The following FRMD4A variants were observed in gnomAD, a reference collection of about 807,000 sequenced individuals.
The protein encoded by FRMD4A is FERM domain containing 4A.
FRMD4A carries 29 observed loss-of-function variants against 129.1 expected under a neutral mutation model. That is an observed-to-expected ratio of 0.22 (90% CI 0.17 to 0.31). The LOEUF is 0.31. Ranked by LOEUF, FRMD4A falls within the 10% of genes least tolerant of loss-of-function variation. The pLI is 1.00. For synonymous variants in FRMD4A, 634 were observed against 571.6 expected (o/e 1.11, Z -1.56); for missense variants, 1,272 against 1,375.8 (o/e 0.92, Z 1.19).
At chr10:14,285,369 T>G (rs1845649294) in intron 2 of FRMD4A, among the ~76,000 whole-genome samples, 1 of 152,180 alleles carries the variant, frequency 6.6e-6, no homozygotes, top group Non-Finnish European at 1.5e-5. Flanking sequence ...AAGATGCAGG[T>G]GAAAAACACG....
chr10:14,249,691 T>C (rs977566542), intron 2 of FRMD4A, among the ~76,000 whole-genome samples: 10 of 152,234 alleles, frequency 6.6e-5, no homozygotes, highest in Admixed American at 5.2e-4. Flanking sequence ...AGGATATTCA[T>C]GATAGCATTA....
At chr10:14,033,144 T>G (rs1011243624) in intron 2 of FRMD4A, among the ~76,000 whole-genome samples, 4 of 151,974 alleles carry the variant, frequency 2.6e-5, no homozygotes, top group Non-Finnish European at 5.9e-5. Flanking sequence ...CTGTCTCTAC[T>G]AAAAATACAA....
chr10:13,966,473 G>T (rs573613075), intron 2 of FRMD4A, among the ~76,000 whole-genome samples: 1 of 152,186 alleles, frequency 6.6e-6, no homozygotes, highest in Non-Finnish European at 1.5e-5. Flanking sequence ...GGAGGGTAAC[G>T]TGATAAAGAA....
intron 5 of FRMD4A, among the ~76,000 whole-genome samples, chr10:13,790,234 G>C (rs527722550): frequency 2.0e-5 from 3 of 152,288 alleles, no homozygotes; most frequent in Middle Eastern, 3.4e-3. Context: ...CCATCACAAA[G>C]ACAAGGAGGT....
intron 2 of FRMD4A, among the ~76,000 whole-genome samples, chr10:13,981,305 G>A (rs567772754): frequency 6.8e-4 from 103 of 152,292 alleles, no homozygotes; most frequent in African/African-American, 2.4e-3. Context: ...AGGTCAAGGT[G>A]AATCAATGGG....
At position 13,671,931 on chromosome 10, in the gene FRMD4A, AG is replaced by A. The variant is rs1451188512; in HGVS notation, c.1252-1404del. Among the ~76,000 whole-genome samples the A allele has an allele frequency of 6.6e-5, 10 of 152,338 alleles. No homozygotes were observed. In the South Asian group the frequency reaches 1.4e-3, roughly 22 times the overall value. ...CAAGGAAGTTCAGGAGGCTTTTCTC[AG>A]GAATATCCATCATCTACACAGAAAG... On this transcript the variant is annotated intron_variant, in intron 16 of 24. Transcript: ENST00000357447.
At chr10:14,011,760 G>T (rs971116574) in intron 2 of FRMD4A, among the ~76,000 whole-genome samples, 1 of 152,168 alleles carries the variant, frequency 6.6e-6, no homozygotes, top group Non-Finnish European at 1.5e-5. Flanking sequence ...TGTAATCCCA[G>T]CACTTTGGGA....
intron 2 of FRMD4A, among the ~76,000 whole-genome samples, chr10:14,273,824 T>C (rs1275127859): frequency 6.6e-6 from 1 of 152,172 alleles, no homozygotes; most frequent in Non-Finnish European, 1.5e-5. Flanking sequence ...CCAGGCTGTC[T>C]CATAGAAAAG....
At chr10:14,224,035 C>G (rs1032726365) in intron 2 of FRMD4A, among the ~76,000 whole-genome samples, 1 of 152,164 alleles carries the variant, frequency 6.6e-6, no homozygotes, top group Non-Finnish European at 1.5e-5. Flanking sequence ...TGAAAAGGGA[C>G]ATACATTGTC....
intron 3 of FRMD4A, among the ~76,000 whole-genome samples, chr10:13,836,481 C>T (rs934829002): frequency 8.6e-5 from 13 of 151,978 alleles, no homozygotes; most frequent in African/African-American, 1.9e-4. Context: ...TTGGGGGGCG[C>T]GGGGAGGAAA....
At chr10:13,668,422 C>G (rs561239724) in intron 17 of FRMD4A, 2 of 152,190 alleles carry the variant, frequency 1.3e-5, no homozygotes, top group Non-Finnish European at 2.9e-5. Flanking sequence ...AAGACAAGTC[C>G]AAGGCTGAAT....
intron 2 of FRMD4A, among the ~76,000 whole-genome samples, chr10:14,205,825 A>G (rs897642971): frequency 1.3e-5 from 2 of 151,746 alleles, no homozygotes; most frequent in East Asian, 3.9e-4. Flanking sequence ...AAAAAAAAAA[A>G]AAAAGGGAAT....
At position 14,311,988 on chromosome 10, in the gene FRMD4A, A is replaced by T. The variant is rs61575576; in HGVS notation, c.45+18070T>A. Reference sequence around the variant, plus strand: ...TGTTAAACAATTACCAGGGCTCAGCATGTATTCATAGATGAAATTTCAATC... The same window carrying T: ...TGTTAAACAATTACCAGGGCTCAGCTTGTATTCATAGATGAAATTTCAATC... On this transcript the variant is annotated intron_variant, in intron 2 of 24. Transcript: ENST00000357447. 8.6e-3 allele frequency among the ~76,000 whole-genome samples: 1,308 copies of T among 152,304 alleles called. 15 individuals are homozygous for T. The highest frequency in any genetic ancestry group is 0.03 in the African/African-American group (1,250 of 41,558).
chr10:13,839,210 T>G (rs1283545269), intron 3 of FRMD4A, among the ~76,000 whole-genome samples: 1 of 152,038 alleles, frequency 6.6e-6, no homozygotes, highest in Non-Finnish European at 1.5e-5. Flanking sequence ...CTTGCTGTCC[T>G]GCCCAGGCTG....
chr10:14,032,464 A>G (rs1833290633), intron 2 of FRMD4A, among the ~76,000 whole-genome samples: 1 of 152,242 alleles, frequency 6.6e-6, no homozygotes, highest in Non-Finnish European at 1.5e-5. Flanking sequence ...ACTTCCGGCT[A>G]AAACAAAGCA....
intron 12 of FRMD4A, among the ~76,000 whole-genome samples, chr10:13,726,803 T>C (rs1400516830): frequency 6.6e-6 from 1 of 152,188 alleles, no homozygotes; most frequent in Non-Finnish European, 1.5e-5. Context: ...GGTCTTGTTA[T>C]GTTGCCTAGG....
At position 13,720,134 on chromosome 10, in the gene FRMD4A, C is replaced by T. The variant is rs11258551; in HGVS notation, c.760-13021G>A. ...GGTGATCTTGGCTCACTGCAACCTCCGCCTCCTGGGTTTAAGCAATTCTCC... is the reference window on the plus strand; with the variant it reads ...GGTGATCTTGGCTCACTGCAACCTCTGCCTCCTGGGTTTAAGCAATTCTCC... On this transcript the variant is annotated intron_variant, in intron 12 of 24. Transcript: ENST00000357447. Among the ~76,000 whole-genome samples, 1,755 of 152,258 alleles carry T rather than the reference C, an allele frequency of 0.012. 69 individuals are homozygous for T. In the South Asian group the frequency reaches 0.12, roughly 10 times the overall value.
intron 12 of FRMD4A, among the ~76,000 whole-genome samples, chr10:13,724,454 C>G (rs2089729524): frequency 6.6e-6 from 1 of 151,992 alleles, no homozygotes; most frequent in Non-Finnish European, 1.5e-5. Flanking sequence ...CTAGCAAAGT[C>G]TTCTGTCTTC....
chr10:14,039,367 C>CGTCT (rs1588846136), intron 2 of FRMD4A, among the ~76,000 whole-genome samples: 4 of 111,168 alleles, frequency 3.6e-5, no homozygotes, highest in African/African-American at 1.6e-4. Context: ...TCTGTCCGTC[C>CGTCT]GTCCATCCAT....
Sources: allele counts gnomAD v4.1 joint callset (sites outside exome capture counted in the v4.1 genomes callset), GRCh38; gene constraint gnomAD v4.1.1; transcripts MANE v1.5; gene names NCBI Gene and HGNC (gene_info 2026-07-23, HGNC 2026-07-21).